The following GABRR3 variants were observed in gnomAD, a reference collection of about 807,000 sequenced individuals.
GABRR3 encodes gamma-aminobutyric acid type A receptor subunit rho3.
Under a neutral mutation model 43.2 loss-of-function variants are expected in GABRR3, and 29 were observed. The observed-to-expected ratio is 0.67, with a 90% CI of 0.50 to 0.92. The LOEUF (loss-of-function observed/expected upper bound fraction) is 0.92. GABRR3 is among the 40% of genes least tolerant of loss of function. The probability of loss-of-function intolerance (pLI) is 0.00; values close to 1 mark genes in which losing one functional copy is unlikely to be tolerated. For missense variants in GABRR3, 576 were observed against 572.3 expected (o/e 1.01, Z -0.07); for synonymous variants, 206 against 195.9 (o/e 1.05, Z -0.43).
chr3:98,026,815 A>G (rs1380454335), intron 2 of GABRR3, among the ~76,000 whole-genome samples: 1 of 152,134 alleles, frequency 6.6e-6, no homozygotes, highest in Non-Finnish European at 1.5e-5. Context: ...TTACACAATA[A>G]AGTGACTTCG....
At chr3:98,029,227 G>A (rs749533493) in intron 2 of GABRR3, among the ~76,000 whole-genome samples, 18 of 152,258 alleles carry the variant, frequency 1.2e-4, no homozygotes, top group East Asian at 1.9e-4. Context: ...AACAGTAGGC[G>A]TGAGTCTTGG....
intron 2 of GABRR3, among the ~76,000 whole-genome samples, chr3:98,026,095 T>C (rs529501784): frequency 6.6e-6 from 1 of 152,188 alleles, no homozygotes; most frequent in East Asian, 1.9e-4. Context: ...AGGTGATCCT[T>C]GGGGTCACTG....
chr3:97,999,506 T>G (rs775874086), intron 8 of GABRR3: 1 of 152,096 alleles, frequency 6.6e-6, no homozygotes, highest in Non-Finnish European at 1.5e-5. Context: ...GTAGTTGGAA[T>G]TAAAAAGTTT....
At chr3:98,018,875 C>T (rs1489572229) in intron 3 of GABRR3, among the ~76,000 whole-genome samples, 2 of 151,902 alleles carry the variant, frequency 1.3e-5, no homozygotes, top group Non-Finnish European at 1.5e-5. Context: ...TTTGGCAGGC[C>T]GAGGTGGACG....
rs567885938 is a variant in GABRR3 at position 98,001,992 on chromosome 3, G to A, written c.755-225C>T. Among the ~76,000 whole-genome samples, 138 of 152,110 alleles carry A rather than the reference G, an allele frequency of 9.1e-4. 1 individual carries two copies. The highest frequency in any genetic ancestry group is 2.9e-3 in the African/African-American group (119 of 41,500). On this transcript the variant is annotated intron_variant, in intron 7 of 9. Transcript: ENST00000621172. Reference sequence around the variant, plus strand: ...AAGATCCCCTTTAACTTCCAAACCCGCAGTTCAGGGATGAATAGTGGTTAT... The same window carrying A: ...AAGATCCCCTTTAACTTCCAAACCCACAGTTCAGGGATGAATAGTGGTTAT...
chr3:97,987,012 C>G (rs2107222497), intron 9 of GABRR3, 30 bp from the exon 10 acceptor site: 2 of 1,401,872 alleles, frequency 1.4e-6, no homozygotes, highest in East Asian at 4.8e-5. Flanking sequence ...TAAAGTAGGT[C>G]TTGAATATGG....
chr3:97,986,642 C>T (rs1162742420), downstream of GABRR3: 2 of 1,339,434 alleles, frequency 1.5e-6, no homozygotes, highest in East Asian at 2.5e-5. Context: ...TGTTTTTAAA[C>T]ATCATCTGGC....
intron 4 of GABRR3, among the ~76,000 whole-genome samples, chr3:98,014,023 C>T (rs527377222): frequency 2.6e-5 from 4 of 152,048 alleles, no homozygotes; most frequent in Admixed American, 6.6e-5. Context: ...GAAGTTAGGG[C>T]GGATGAGAGA....
At chr3:97,997,976 C>T (rs1438690487) in intron 8 of GABRR3, 1 of 152,068 alleles carries the variant, frequency 6.6e-6, no homozygotes, top group Non-Finnish European at 1.5e-5. Flanking sequence ...TTAGAACTCT[C>T]TAACAGTCTA....
At chr3:98,002,088 A>G (rs1194099832) in intron 7 of GABRR3, among the ~76,000 whole-genome samples, 2 of 152,156 alleles carry the variant, frequency 1.3e-5, no homozygotes, top group Non-Finnish European at 1.5e-5. Flanking sequence ...CAAGAGGGAA[A>G]GTCTTCAATA....
At chr3:98,006,634 C>T (rs1243777123) in intron 7 of GABRR3, among the ~76,000 whole-genome samples, 1 of 152,190 alleles carries the variant, frequency 6.6e-6, no homozygotes, top group Non-Finnish European at 1.5e-5. Flanking sequence ...GCCAGGACAG[C>T]TCTGAAACTC....
intron 8 of GABRR3, among the ~76,000 whole-genome samples, chr3:97,995,805 T>C (rs1559774236): frequency 6.6e-6 from 1 of 152,178 alleles, no homozygotes; most frequent in Admixed American, 6.5e-5. Flanking sequence ...TCCAAACCCA[T>C]TAAAGTTAAT....
At chr3:97,995,770 A>G (rs559902422) in intron 8 of GABRR3, among the ~76,000 whole-genome samples, 8 of 152,292 alleles carry the variant, frequency 5.3e-5, no homozygotes, top group Non-Finnish European at 7.3e-5. Context: ...TCAAAAATAC[A>G]TTAATCTTGA....
At chr3:98,026,839 C>G (rs536364881) in intron 2 of GABRR3, among the ~76,000 whole-genome samples, 1 of 152,098 alleles carries the variant, frequency 6.6e-6, no homozygotes, top group Non-Finnish European at 1.5e-5. Flanking sequence ...GGGAGAATTT[C>G]AGAATCTGGA....
rs555834818 is a variant in GABRR3, at chr3:98,024,580, C to G, written c.238+987G>C. 1.2e-4 allele frequency among the ~76,000 whole-genome samples: 19 copies of G among 152,270 alleles called. No homozygotes were observed. In the Middle Eastern group the frequency reaches 0.01, roughly 82 times the overall value. ...ACCACATCATGAGAAGAGTATCCCC[C>G]GCCCTGAACACTTGCGGTATTCGTT... is the stretch of plus-strand genomic sequence containing the variant. On this transcript the variant is annotated intron_variant, in intron 3 of 9. Transcript: ENST00000621172.
intron 8 of GABRR3, chr3:97,999,679 G>A (rs1416517131): frequency 1.3e-5 from 2 of 152,118 alleles, no homozygotes; most frequent in East Asian, 1.9e-4. Flanking sequence ...CATTGTGTGT[G>A]TAGTTGGTTT....
chr3:97,992,986 C>A, exon 9 of GABRR3: 1 of 1,613,208 alleles, frequency 6.2e-7, no homozygotes, highest in Non-Finnish European at 8.5e-7. Context: ...AGGTAGGACA[C>A]CTGGGGCATG....
intron 6 of GABRR3, 28 bp from the exon 7 acceptor site, chr3:98,007,932 A>AG: frequency 6.5e-7 from 1 of 1,530,614 alleles, no homozygotes; most frequent in Non-Finnish European, 8.8e-7. Context: ...CAGTCTTGTA[A>AG]GTGTAATAAG....
At chr3:98,010,720 C>A (rs867031086) in intron 5 of GABRR3, among the ~76,000 whole-genome samples, 1 of 152,160 alleles carries the variant, frequency 6.6e-6, no homozygotes, top group Admixed American at 6.5e-5. Flanking sequence ...ACAATTGATT[C>A]TTTGTCCAGA....
Sources: gnomAD v4.1 joint callset for allele counts (sites outside exome capture counted in the v4.1 genomes callset) on GRCh38, gnomAD v4.1.1 for gene constraint, MANE v1.5 for transcripts, NCBI Gene and HGNC (gene_info 2026-07-23, HGNC 2026-07-21) for gene names.